THSD4: variants seen among roughly 807,000 people sequenced by gnomAD.
THSD4 encodes thrombospondin type-1 domain-containing protein 4.
THSD4 carries 69 observed loss-of-function variants against 119.0 expected under a neutral mutation model. The observed-to-expected ratio is 0.58, with a 90% CI of 0.48 to 0.71. THSD4 has a LOEUF of 0.71. Ranked by LOEUF, THSD4 falls within the 30% of genes least tolerant of loss-of-function variation. The pLI is 0.00. For synonymous variants in THSD4, 524 were observed against 540.4 expected (o/e 0.97, Z 0.42); for missense variants, 1,393 against 1,391.1 (o/e 1.00, Z -0.02).
At chr15:71,310,488 G>A (rs1047235068) in intron 6 of THSD4, among the ~76,000 whole-genome samples, 1 of 152,178 alleles carries the variant, frequency 6.6e-6, no homozygotes, top group Non-Finnish European at 1.5e-5. Context: ...GTTCAACAAA[G>A]TATGGACAGC....
rs537525772 is a variant in THSD4 at position 71,750,943 on chromosome 15, C to T, written c.2415+2349C>T. On this transcript the variant is annotated intron_variant, in intron 14 of 17. Coordinates refer to ENST00000261862, the MANE Select transcript of THSD4 (RefSeq NM_024817.3). ...CCAGCATGAGGAATCCTCTGCAGTG[C>T]CCCTGACATAGGTCACAGCTCTTGC... Among the ~76,000 whole-genome samples the T allele has an allele frequency of 1.1e-4, 17 of 152,320 alleles. 1 individual carries two copies. In the South Asian group the frequency reaches 3.5e-3, roughly 32 times the overall value.
rs116972449 is a variant in THSD4 at position 71,452,209 on chromosome 15, C to T, written c.1152+40386C>T. On this transcript the variant is annotated intron_variant, in intron 7 of 17. Transcript: ENST00000261862. ...CCTTTCTCTGCTGGACTTGCCACAGCGCTGCATCTCCTCTCCTGCAGCTGT... is the reference window on the plus strand; with the variant it reads ...CCTTTCTCTGCTGGACTTGCCACAGTGCTGCATCTCCTCTCCTGCAGCTGT... Among the ~76,000 whole-genome samples, 185 of 152,266 alleles carry T rather than the reference C, an allele frequency of 1.2e-3. 3 individuals carry two copies. The highest frequency in any genetic ancestry group is 3.9e-3 in the African/African-American group (160 of 41,540).
At chr15:71,649,890 C>T (rs1187675506) in intron 7 of THSD4, among the ~76,000 whole-genome samples, 1 of 152,182 alleles carries the variant, frequency 6.6e-6, no homozygotes, top group African/African-American at 2.4e-5. Context: ...TTCATTTGCT[C>T]TTCAACCATT....
At chr15:71,758,184 A>G (rs1256813211) in intron 15 of THSD4, 109 bp downstream of exon 15, 1 of 1,304,124 alleles carries the variant, frequency 7.7e-7, no homozygotes, top group East Asian at 2.6e-5. Flanking sequence ...GAATCCCAGC[A>G]GTGCCACTGT....
chr15:71,702,459 A>T (rs1274790467), intron 8 of THSD4, among the ~76,000 whole-genome samples: 1 of 152,134 alleles, frequency 6.6e-6, no homozygotes, highest in Admixed American at 6.5e-5. Context: ...ATGGTTAATA[A>T]ATTGTATTAG....
Position 71,448,356 on chromosome 15 carries a change from C to T in THSD4, c.1152+36533C>T, listed in dbSNP as rs1407265287. ...TGGCAGAGACTGCTTAGGAAACAACCGGTCCTTATCTCAAGTCTAACTCCC... is the reference window on the plus strand; with the variant it reads ...TGGCAGAGACTGCTTAGGAAACAACTGGTCCTTATCTCAAGTCTAACTCCC... On this transcript the variant is annotated intron_variant, in intron 7 of 17. Transcript: ENST00000261862. 2.6e-5 allele frequency among the ~76,000 whole-genome samples: 4 copies of T among 152,096 alleles called. No individual in the cohort carries two copies. In the East Asian group the frequency reaches 5.8e-4, roughly 22 times the overall value.
chr15:71,266,823 A>C (rs1253497001), intron 6 of THSD4, among the ~76,000 whole-genome samples: 3 of 151,942 alleles, frequency 2.0e-5, no homozygotes, highest in Non-Finnish European at 4.4e-5. Context: ...ATATACAAGT[A>C]TCAATAGCTG....
intron 6 of THSD4, among the ~76,000 whole-genome samples, chr15:71,329,891 G>A (rs1434823619): frequency 6.6e-6 from 1 of 152,112 alleles, no homozygotes; most frequent in Non-Finnish European, 1.5e-5. Context: ...GACCAGCCTG[G>A]GCAACATGGT....
intron 8 of THSD4, among the ~76,000 whole-genome samples, chr15:71,689,099 C>T (rs2051987876): frequency 6.6e-6 from 1 of 152,214 alleles, no homozygotes; most frequent in African/African-American, 2.4e-5. Context: ...TTACTTCCTC[C>T]TCAATGAGAT....
intron 16 of THSD4, among the ~76,000 whole-genome samples, chr15:71,768,363 A>T (rs1460929713): frequency 6.6e-6 from 1 of 152,154 alleles, no homozygotes; most frequent in East Asian, 1.9e-4. Flanking sequence ...AACACGAATT[A>T]CACCGTGGGA....
intron 8 of THSD4, among the ~76,000 whole-genome samples, chr15:71,695,969 G>T (rs796538195): frequency 6.6e-6 from 1 of 152,216 alleles, no homozygotes; most frequent in Admixed American, 6.5e-5. Context: ...TAAAATGATT[G>T]TGATAACTAA....
intron 8 of THSD4, among the ~76,000 whole-genome samples, chr15:71,680,859 A>G (rs1232976933): frequency 1.3e-5 from 2 of 152,248 alleles, no homozygotes; most frequent in South Asian, 2.1e-4. Context: ...TAAAGCATCT[A>G]GCACAATGAC....
chr15:71,407,823 C>T (rs376162601), intron 6 of THSD4, among the ~76,000 whole-genome samples: 4 of 152,290 alleles, frequency 2.6e-5, no homozygotes, highest in East Asian at 3.9e-4. Flanking sequence ...TAGACCTCAT[C>T]CCCAGAGTTT....
At chr15:71,503,960 T>C (rs1426496478) in intron 7 of THSD4, among the ~76,000 whole-genome samples, 1 of 152,196 alleles carries the variant, frequency 6.6e-6, no homozygotes, top group Non-Finnish European at 1.5e-5. Flanking sequence ...AAGAATCAGT[T>C]TATACTGGCA....
In THSD4 at chr15:71,340,118, T is replaced by G. The variant is rs371384257; in HGVS notation, c.1016-71569T>G. 1.1e-4 allele frequency among the ~76,000 whole-genome samples: 16 copies of G among 152,276 alleles called. 1 individual carries two copies. The East Asian group carries it at 1.4e-3, about 13-fold the overall frequency. On this transcript the variant is annotated intron_variant, in intron 6 of 17. Transcript: ENST00000261862. ...GAATTTCTAGGCTTCATTATTGCAT[T>G]TGGACCTTAACACTTAATCAGTAGA...
chr15:71,401,668 T>G (rs531606420), intron 6 of THSD4, among the ~76,000 whole-genome samples: 1 of 152,332 alleles, frequency 6.6e-6, no homozygotes, highest in South Asian at 2.1e-4. Context: ...TGTAAACTAG[T>G]TCAATCATTG....
intron 7 of THSD4, among the ~76,000 whole-genome samples, chr15:71,532,545 G>A (rs1344323348): frequency 4.0e-5 from 6 of 151,478 alleles, no homozygotes; most frequent in Non-Finnish European, 1.5e-5. Flanking sequence ...TCAATCTCTT[G>A]ACCTCGCAAT....
intron 8 of THSD4, among the ~76,000 whole-genome samples, chr15:71,715,917 T>C (rs766541159): frequency 6.6e-6 from 1 of 151,992 alleles, no homozygotes; most frequent in Non-Finnish European, 1.5e-5. Context: ...AGCACACACA[T>C]GAATTAGATA....
chr15:71,324,012 T>A (rs1472941860), intron 6 of THSD4, among the ~76,000 whole-genome samples: 1 of 152,216 alleles, frequency 6.6e-6, no homozygotes, highest in Non-Finnish European at 1.5e-5. Flanking sequence ...AGCATCTGTC[T>A]CTGTCGTGAG....
Sources: allele counts gnomAD v4.1 joint callset (sites outside exome capture counted in the v4.1 genomes callset), GRCh38; gene constraint gnomAD v4.1.1; transcripts MANE v1.5; gene names NCBI Gene and HGNC (gene_info 2026-07-23, HGNC 2026-07-21).